CAMTA1: variants seen among roughly 807,000 people sequenced by gnomAD.
CAMTA1 encodes the protein calmodulin binding transcription activator 1, also known as calmodulin-binding transcription activator 1.
In CAMTA1, 27 loss-of-function variants were observed where a neutral mutation model predicts 170.9. That is an observed-to-expected ratio of 0.16 (90% CI 0.12 to 0.22). The LOEUF is 0.22. CAMTA1 is among the 10% of genes least tolerant of loss of function. The pLI is 1.00. For synonymous variants in CAMTA1, 833 were observed against 891.5 expected (o/e 0.93, Z 1.17); for missense variants, 1,619 against 2,217.2 (o/e 0.73, Z 5.42).
At chr1:7,671,790 G>A (rs547252225) in intron 10 of CAMTA1, among the ~76,000 whole-genome samples, 14 of 152,114 alleles carry the variant, frequency 9.2e-5, no homozygotes, top group South Asian at 6.2e-4. Context: ...TGCTTAGCAC[G>A]GTGTCCCTGT....
At chr1:7,137,942 G>A (rs1645637171) in intron 4 of CAMTA1, among the ~76,000 whole-genome samples, 2 of 152,296 alleles carry the variant, frequency 1.3e-5, no homozygotes, top group South Asian at 4.1e-4. Flanking sequence ...CTGGAGCATA[G>A]AATCATGCCC....
chr1:6,885,661 C>G (rs928839080), intron 3 of CAMTA1, among the ~76,000 whole-genome samples: 1 of 152,184 alleles, frequency 6.6e-6, no homozygotes, highest in Non-Finnish European at 1.5e-5. Flanking sequence ...TTGGACTTGT[C>G]TCTACTAATA....
intron 5 of CAMTA1, among the ~76,000 whole-genome samples, chr1:7,464,748 C>CG (rs912982967): frequency 3.9e-5 from 6 of 152,150 alleles, no homozygotes; most frequent in African/African-American, 7.2e-5. Flanking sequence ...TGCACACTCA[C>CG]GGGGGGTCCA....
At chr1:7,636,952 C>T (rs1241842974) in intron 6 of CAMTA1, among the ~76,000 whole-genome samples, 1 of 152,216 alleles carries the variant, frequency 6.6e-6, no homozygotes, top group Non-Finnish European at 1.5e-5. Flanking sequence ...AAATGCCACC[C>T]TACTATGGTA....
At chr1:7,667,229 A>C (rs2096009105) in intron 9 of CAMTA1, among the ~76,000 whole-genome samples, 1 of 151,764 alleles carries the variant, frequency 6.6e-6, no homozygotes, top group Admixed American at 6.6e-5. Flanking sequence ...GCTCAATGGC[A>C]CCTTCGGAGT....
At chr1:7,128,516 C>T (rs1481257648) in intron 4 of CAMTA1, among the ~76,000 whole-genome samples, 1 of 152,178 alleles carries the variant, frequency 6.6e-6, no homozygotes, top group Non-Finnish European at 1.5e-5. Context: ...GTTGAGTGGT[C>T]AGGGCTGTTG....
chr1:7,141,933 A>G (rs931750241), intron 4 of CAMTA1, among the ~76,000 whole-genome samples: 3 of 152,076 alleles, frequency 2.0e-5, no homozygotes, highest in African/African-American at 7.2e-5. Context: ...TGTGGTAGAG[A>G]AGGGCCTCAG....
rs116937908 is a variant in CAMTA1, at chr1:6,951,938, C to T, written c.234+126728C>T. On this transcript the variant is annotated intron_variant, in intron 3 of 22. Transcript: ENST00000303635. ...TGGATGAGGGTGAGGTGTTGCGTTC[C>T]GTCTCTGGGTCTGGACTGGCTTCCT... 8.5e-4 allele frequency among the ~76,000 whole-genome samples: 130 copies of T among 152,228 alleles called. 4 individuals are homozygous for T. The East Asian group carries it at 0.021, about 25-fold the overall frequency.
At chr1:6,998,772 T>C (rs917560002) in intron 3 of CAMTA1, among the ~76,000 whole-genome samples, 3 of 152,268 alleles carry the variant, frequency 2.0e-5, no homozygotes, top group Admixed American at 6.5e-5. Context: ...ATAATTATAC[T>C]GTAGTTTTAT....
intron 4 of CAMTA1, among the ~76,000 whole-genome samples, chr1:7,247,337 G>T (rs1297471368): frequency 6.6e-6 from 1 of 152,218 alleles, no homozygotes; most frequent in Non-Finnish European, 1.5e-5. Flanking sequence ...ACATGACAGT[G>T]TTTGAGAGAG....
intron 3 of CAMTA1, among the ~76,000 whole-genome samples, chr1:7,056,927 T>A (rs944019900): frequency 6.6e-6 from 1 of 152,234 alleles, no homozygotes; most frequent in Non-Finnish European, 1.5e-5. Flanking sequence ...CAGAAGACTC[T>A]TGGTTATGAA....
At chr1:6,914,788 G>T (rs1437320638) in intron 3 of CAMTA1, among the ~76,000 whole-genome samples, 2 of 152,330 alleles carry the variant, frequency 1.3e-5, no homozygotes, top group East Asian at 1.9e-4. Flanking sequence ...CTGGGAGCCT[G>T]CAGACTCTGG....
intron 6 of CAMTA1, among the ~76,000 whole-genome samples, chr1:7,498,406 AGTGT>A (rs1051031159): frequency 1.0e-4 from 15 of 143,312 alleles, no homozygotes; most frequent in South Asian, 2.2e-4. Context: ...AATGTGTATG[AGTGT>A]GTATGAGTGT....
At position 7,642,467 on chromosome 1, in the gene CAMTA1, CG is replaced by C. The variant is rs1262468912; in HGVS notation, c.664+1917del. Reference sequence around the variant, plus strand: ...CTAGGAGTCTGGGGCACCGGTGCTGCGGGCCCTGCTGTCAGGCCCGCCTGCC... The same window carrying C: ...CTAGGAGTCTGGGGCACCGGTGCTGCGGCCCTGCTGTCAGGCCCGCCTGCC... On this transcript the variant is annotated intron_variant, in intron 7 of 22. Transcript: ENST00000303635. The surrounding 1 kb of genome is among the most constrained non-coding windows in gnomAD (Gnocchi z 6.3). 6.6e-6 allele frequency among the ~76,000 whole-genome samples: 1 copy of C among 152,136 alleles called. No homozygotes were observed. The highest frequency in any genetic ancestry group is 1.5e-5 in the Non-Finnish European group (1 of 68,004).
At chr1:7,508,565 C>T (rs1031868150) in intron 6 of CAMTA1, among the ~76,000 whole-genome samples, 2 of 152,212 alleles carry the variant, frequency 1.3e-5, no homozygotes, top group Non-Finnish European at 2.9e-5. Flanking sequence ...TGAGTCACCT[C>T]TGTGCCCCCA....
At chr1:6,980,784 A>G (rs1446694662) in intron 3 of CAMTA1, among the ~76,000 whole-genome samples, 1 of 152,194 alleles carries the variant, frequency 6.6e-6, no homozygotes, top group Non-Finnish European at 1.5e-5. Context: ...CGCCATGATC[A>G]TGAGGCCTCC....
chr1:7,341,601 G>T (rs1410863663), intron 5 of CAMTA1, among the ~76,000 whole-genome samples: 1 of 152,208 alleles, frequency 6.6e-6, no homozygotes, highest in East Asian at 1.9e-4. Flanking sequence ...GCCCCAGCTG[G>T]CATTTGCCCA....
At chr1:7,755,326 CAAAAAAAA>C (rs70987373) in intron 21 of CAMTA1, among the ~76,000 whole-genome samples, 6 of 61,968 alleles carry the variant, frequency 9.7e-5, no homozygotes, top group African/African-American at 1.4e-4. Context: ...GACTCCGTCT[CAAAAAAAA>C]AAAAAAAAAA....
intron 4 of CAMTA1, among the ~76,000 whole-genome samples, chr1:7,156,589 T>C (rs1048293324): frequency 6.6e-6 from 1 of 152,222 alleles, no homozygotes; most frequent in Admixed American, 6.5e-5. Context: ...CCCTGGTGAA[T>C]ACAAAATAGG....
Sources: allele counts gnomAD v4.1 joint callset (sites outside exome capture counted in the v4.1 genomes callset), GRCh38; gene constraint gnomAD v4.1.1; non-coding constraint Gnocchi (gnomAD v3.1); transcripts MANE v1.5; gene names NCBI Gene and HGNC (gene_info 2026-07-23, HGNC 2026-07-21).